ADGRL2: variants seen among roughly 807,000 people sequenced by gnomAD.
ADGRL2 encodes the protein adhesion G protein-coupled receptor L2.
In ADGRL2, 44 loss-of-function variants were observed where a neutral mutation model predicts 157.4. The ratio of observed to expected loss-of-function variants is 0.28; its 90% confidence interval spans 0.22 to 0.36. The LOEUF (loss-of-function observed/expected upper bound fraction) is 0.36, where lower values mean the gene tolerates loss of function less well. Ranked by LOEUF, ADGRL2 falls within the 10% of genes least tolerant of loss-of-function variation. The pLI, the probability that ADGRL2 is intolerant of heterozygous loss-of-function variation, is 1.00. For missense variants in ADGRL2, 1,510 were observed against 1,768.9 expected (o/e 0.85, Z 2.63); for synonymous variants, 585 against 624.7 (o/e 0.94, Z 0.95).
intron 1 of ADGRL2, among the ~76,000 whole-genome samples, chr1:81,828,043 C>A (rs182808347): frequency 8.5e-5 from 13 of 152,212 alleles, no homozygotes; most frequent in Admixed American, 8.5e-4. Context: ...TGAACTGCAT[C>A]CAGTTATCTT....
At chr1:81,965,880 CTT>C (rs1368359917) in intron 11 of ADGRL2, among the ~76,000 whole-genome samples, 176 bp from the exon 12 acceptor site, 3 of 152,162 alleles carry the variant, frequency 2.0e-5, no homozygotes, top group South Asian at 4.1e-4. Context: ...ATATTTAAGA[CTT>C]AAATCATTTG....
chr1:81,687,812 G>T (rs770650134), intron 3 of ADGRL2, among the ~76,000 whole-genome samples: 14 of 152,136 alleles, frequency 9.2e-5, no homozygotes, highest in Non-Finnish European at 1.3e-4. Flanking sequence ...GTGTTTCCAG[G>T]ATTCCTTTCA....
chr1:81,353,874 C>A (rs117971707), intron 1 of ADGRL2, among the ~76,000 whole-genome samples: 2 of 152,206 alleles, frequency 1.3e-5, no homozygotes, highest in South Asian at 2.1e-4. Flanking sequence ...TGAAATCATG[C>A]GAAAGGGCGA....
intron 1 of ADGRL2, among the ~76,000 whole-genome samples, chr1:81,815,700 A>T (rs2090329007): frequency 1.3e-5 from 2 of 151,800 alleles, no homozygotes; most frequent in Admixed American, 6.6e-5. Flanking sequence ...ACCTTTACCT[A>T]CTTTAATACT....
intron 1 of ADGRL2, among the ~76,000 whole-genome samples, chr1:81,728,950 C>A (rs1024820472): frequency 6.6e-6 from 1 of 152,062 alleles, no homozygotes; most frequent in Admixed American, 6.6e-5. Flanking sequence ...TCCCCTACTT[C>A]AAATATGGGA....
chr1:81,717,334 A>T (rs2084153098), intron 1 of ADGRL2, among the ~76,000 whole-genome samples: 1 of 152,184 alleles, frequency 6.6e-6, no homozygotes, highest in Admixed American at 6.5e-5. Flanking sequence ...GGCTCCCAAA[A>T]GGCCAACTAC....
chr1:81,427,177 T>A (rs1570937644), intron 1 of ADGRL2: 1 of 954,494 alleles, frequency 1.0e-6, no homozygotes, highest in Non-Finnish European at 1.7e-6. Flanking sequence ...ACTTTCGAGG[T>A]GGTGGAGGTA....
intron 1 of ADGRL2, among the ~76,000 whole-genome samples, chr1:81,339,455 G>A (rs1451021751): frequency 6.6e-6 from 1 of 152,154 alleles, no homozygotes; most frequent in African/African-American, 2.4e-5. Context: ...CACCTTGAGA[G>A]TCAGCCATGT....
At chr1:81,842,261 C>A (rs927692416) in intron 2 of ADGRL2, among the ~76,000 whole-genome samples, 1 of 148,146 alleles carries the variant, frequency 6.8e-6, no homozygotes, top group East Asian at 2.0e-4. Context: ...GAGTTAGTAT[C>A]TGTTTCTTTG....
chr1:81,874,717 T>C (rs1369754416), intron 2 of ADGRL2, among the ~76,000 whole-genome samples: 1 of 152,004 alleles, frequency 6.6e-6, no homozygotes, highest in African/African-American at 2.4e-5. Flanking sequence ...TTTTTCTTTT[T>C]TTTTCTGAGA....
intron 3 of ADGRL2, among the ~76,000 whole-genome samples, chr1:81,639,711 A>G (rs2082182539): frequency 6.6e-6 from 1 of 152,146 alleles, no homozygotes. Flanking sequence ...TTCCAAGAAG[A>G]CATAACAATC....
At chr1:81,894,263 G>GT (rs141188604) in intron 2 of ADGRL2, among the ~76,000 whole-genome samples, 1,761 of 151,938 alleles carry the variant, frequency 0.012, 58 homozygotes, top group South Asian at 0.07. Context: ...GTTTGGTGGT[G>GT]TTTTTTTTAA....
chr1:81,715,973 C>A (rs2084104104), intron 1 of ADGRL2, among the ~76,000 whole-genome samples: 1 of 152,156 alleles, frequency 6.6e-6, no homozygotes, highest in Admixed American at 6.6e-5. Flanking sequence ...CAAAGCCCCA[C>A]AGCATCGTAA....
intron 2 of ADGRL2, among the ~76,000 whole-genome samples, chr1:81,466,300 T>G (rs915170976): frequency 2.6e-5 from 4 of 152,202 alleles, no homozygotes; most frequent in African/African-American, 9.6e-5. Context: ...AAAAAACATG[T>G]CTGATTTTCA....
chr1:81,655,289 C>T (rs937547316), intron 3 of ADGRL2, among the ~76,000 whole-genome samples: 7 of 152,310 alleles, frequency 4.6e-5, no homozygotes, highest in African/African-American at 1.4e-4. Context: ...CGTGAGCCAC[C>T]GTGCCCGGCC....
intron 2 of ADGRL2, among the ~76,000 whole-genome samples, chr1:81,512,941 C>G (rs549706321): frequency 6.6e-6 from 1 of 151,844 alleles, no homozygotes; most frequent in African/African-American, 2.4e-5. Flanking sequence ...TAGTCCCCAA[C>G]GCTTGCTAAT....
chr1:81,801,210 C>G (rs1271471050), intron 1 of ADGRL2, among the ~76,000 whole-genome samples, 142 bp downstream of exon 1: 1 of 152,212 alleles, frequency 6.6e-6, no homozygotes, highest in Admixed American at 6.5e-5. Flanking sequence ...TGCCTGTAAT[C>G]TTCTTTTGAG....
chr1:81,813,230 A>G (rs865999220), intron 1 of ADGRL2, among the ~76,000 whole-genome samples: 1 of 151,594 alleles, frequency 6.6e-6, no homozygotes. Flanking sequence ...TGGTTGGTAA[A>G]AAATAGAAAG....
At chr1:81,821,720 G>A (rs895251338) in intron 1 of ADGRL2, among the ~76,000 whole-genome samples, 1 of 152,034 alleles carries the variant, frequency 6.6e-6, no homozygotes, top group African/African-American at 2.4e-5. Flanking sequence ...TTTAATTTGA[G>A]GAGTATTACA....
Sources: allele counts gnomAD v4.1 joint callset (sites outside exome capture counted in the v4.1 genomes callset), GRCh38; gene constraint gnomAD v4.1.1; transcripts MANE v1.5; gene names NCBI Gene and HGNC (gene_info 2026-07-23, HGNC 2026-07-21).